Variants in GLB1L2 observed in about 807,000 individuals in gnomAD.
The protein encoded by GLB1L2 is beta-galactosidase-1-like protein 2.
In GLB1L2, 68 loss-of-function variants were observed where a neutral mutation model predicts 84.1. That is an observed-to-expected ratio of 0.81 (90% CI 0.67 to 0.99). GLB1L2 has a LOEUF of 0.99. GLB1L2 is among the 50% of genes least tolerant of loss of function. GLB1L2 has a pLI of 0.00. For missense variants in GLB1L2, 762 were observed against 805.6 expected, an observed-to-expected ratio of 0.95 and a Z score of 0.66; for synonymous variants, 290 against 318.0, an observed-to-expected ratio of 0.91 and a Z score of 0.94.
chr11:134,375,301 G>C lies in GLB1L2; in HGVS notation c.*243G>C, dbSNP rs1944011240. 2 of 478,354 alleles carry C rather than the reference G, an allele frequency of 4.2e-6. No individual in the cohort carries two copies. Among genetic ancestry groups the C allele is most frequent in the Non-Finnish European group, 7.4e-6 (2 of 270,228 alleles). 29.6% of individuals were successfully genotyped at this position (478,354 alleles called of 1,614,324 possible). ...TCCTACAGCCCTGCTCTTGTGCCGAGGCTGTCGGGCTGTCTCTAGGGTGGG... is the reference window on the plus strand; with the variant it reads ...TCCTACAGCCCTGCTCTTGTGCCGACGCTGTCGGGCTGTCTCTAGGGTGGG... On this transcript the variant is annotated 3_prime_UTR_variant, in exon 19 of 19. Coordinates refer to ENST00000535456, the MANE Select transcript of GLB1L2 (RefSeq NM_001370461.1).
chr11:134,374,257 G>A lies in GLB1L2; in HGVS notation c.1707+1G>A. On this transcript the variant is annotated splice_donor_variant, in intron 17 of 18. Coordinates refer to ENST00000535456, the MANE Select transcript of GLB1L2 (RefSeq NM_001370461.1). LOFTEE classifies it high-confidence loss of function. Reference sequence around the variant, plus strand: ...TTGTGACACCTTTCTGAAGCTGGAGGTTGGTAACGCCCTTTTCCCTGCCAG... The same window carrying A: ...TTGTGACACCTTTCTGAAGCTGGAGATTGGTAACGCCCTTTTCCCTGCCAG... 1 of 1,599,350 alleles carries A rather than the reference G, an allele frequency of 6.3e-7. No individual in the cohort carries two copies. The highest frequency in any genetic ancestry group is 8.6e-7 in the Non-Finnish European group (1 of 1,166,564).
At chr11:134,343,089 C>A in intron 2 of GLB1L2, 138 bp downstream of exon 2, 1 of 819,170 alleles carries the variant, frequency 1.2e-6, no homozygotes, top group Non-Finnish European at 1.9e-6. Flanking sequence ...CTCCTCCCCA[C>A]CACAGAGCTC....
Position 134,338,571 on chromosome 11 carries a change from G to A in GLB1L2, c.87-4183G>A, listed in dbSNP as rs536813813. Among the ~76,000 whole-genome samples the A allele has an allele frequency of 1.7e-3, 257 of 152,168 alleles. 1 individual carries two copies. Among genetic ancestry groups the A allele is most frequent in the Non-Finnish European group, 1.9e-3 (127 of 68,006 alleles). Reference sequence around the variant, plus strand: ...GCCTGCCCTGTACCCTTCATCCTCAGGACCCACCTCACCAGTCAAGGAAAA... The same window carrying A: ...GCCTGCCCTGTACCCTTCATCCTCAAGACCCACCTCACCAGTCAAGGAAAA... On this transcript the variant is annotated intron_variant, in intron 1 of 18. Coordinates refer to ENST00000535456, the MANE Select transcript of GLB1L2 (RefSeq NM_001370461.1). The surrounding 1 kb of genome is among the most constrained non-coding windows in gnomAD (Gnocchi z 6.2).
chr11:134,337,811 T>TG (rs959320357), intron 1 of GLB1L2, among the ~76,000 whole-genome samples: 4 of 152,184 alleles, frequency 2.6e-5, no homozygotes, highest in African/African-American at 7.2e-5. Flanking sequence ...AGTGTTTTCT[T>TG]GGTCAGGATC....
In GLB1L2 at chr11:134,342,767, ACCCTGGTCCCTCTGCGGCT is replaced by A. The variant is rs763049660; in HGVS notation, c.103_121del (p.Leu35AlafsTer43). 6.2e-7 allele frequency: 1 copy of A among 1,613,662 alleles called. No homozygotes were observed. The highest frequency in any genetic ancestry group is 8.5e-7 in the Non-Finnish European group (1 of 1,179,960). ...TTGTCTTTCCAGGCTGGACTGGAGC[ACCCTGGTCCCTCTGCGGCT>A]CCGCCATCGACAGCTGGGGCTGCAG... On this transcript the variant is annotated frameshift_variant, in exon 2 of 19. Coordinates refer to ENST00000535456, the MANE Select transcript of GLB1L2 (RefSeq NM_001370461.1). LOFTEE classifies it high-confidence loss of function.
chr11:134,374,559 G>A (rs200036348), intron 17 of GLB1L2, 43 bp from the exon 18 acceptor site: 12 of 1,473,004 alleles, frequency 8.1e-6, no homozygotes, highest in Non-Finnish European at 1.1e-5. Context: ...CACTTTTGCT[G>A]TGGCTCTCGT....
chr11:134,371,033 A>T lies in GLB1L2; in HGVS notation c.1241A>T (p.Asn414Ile). 1 of 1,614,192 alleles carries T rather than the reference A, an allele frequency of 6.2e-7. No homozygotes were observed. Among genetic ancestry groups the T allele is most frequent in the Non-Finnish European group, 8.5e-7 (1 of 1,180,038 alleles). The part of the protein sequence containing the change: ...GEPIKSEKPI[N>I]MENLPVNGGN... ...CCAATCAAGTCTGAAAAGCCCATCA[A>T]CATGGAGAACCTGCCAGTCAATGGG... Residue 414 changes from asparagine (N) to isoleucine (I), a missense_variant, in exon 13 of 19, where the codon AAC becomes ATC. Transcript: ENST00000535456.
rs1943999564 is a variant in GLB1L2 at position 134,374,515 on chromosome 11, G to C, written c.1708-87G>C. On this transcript the variant is annotated intron_variant, in intron 17 of 18. Coordinates refer to ENST00000535456, the MANE Select transcript of GLB1L2 (RefSeq NM_001370461.1). ...CAGACACAGCTCGCTTTGGTCTCCT[G>C]GACCTGAGAGAAGCACGCATGCATG... The C allele has an allele frequency of 3.7e-6, 4 of 1,077,616 alleles. No individual in the cohort carries two copies. The East Asian group carries it at 9.5e-5, about 26-fold the overall frequency. The allele number at this position is 1,077,616 out of a possible 1,614,324, so 66.8% of individuals were successfully genotyped here.
At chr11:134,350,210 G>A (rs1017375507) in intron 5 of GLB1L2, among the ~76,000 whole-genome samples, 8 of 152,168 alleles carry the variant, frequency 5.3e-5, no homozygotes, top group African/African-American at 1.9e-4. Flanking sequence ...TGCGGTCTTT[G>A]TGTCCTAGAC....
intron 13 of GLB1L2, 30 bp downstream of exon 13, chr11:134,371,178 C>A (rs750024074): frequency 1.9e-6 from 3 of 1,613,072 alleles, no homozygotes; most frequent in Non-Finnish European, 2.5e-6. Context: ...ATTCCTGTGA[C>A]CTTCTGGTGA....
chr11:134,370,463 T>A lies in GLB1L2; in HGVS notation c.1215+64T>A. 1 of 1,326,090 alleles carries A rather than the reference T, an allele frequency of 7.5e-7. No individual in the cohort carries two copies. The highest frequency in any genetic ancestry group is 1.1e-6 in the Non-Finnish European group (1 of 929,200). The allele number at this position is 1,326,090 out of a possible 1,614,324, so 82.1% of individuals were successfully genotyped here. A position where few individuals can be genotyped will look rare whatever the true frequency, so the allele number is the denominator to read the frequency against. Reference sequence around the variant, plus strand: ...CCGGGGGCAGTCGTTGGCAGGGAGGTGAGTGCTGGGGGCAGTCGTCGGCGG... The same window carrying A: ...CCGGGGGCAGTCGTTGGCAGGGAGGAGAGTGCTGGGGGCAGTCGTCGGCGG... On this transcript the variant is annotated intron_variant, in intron 12 of 18. Coordinates refer to ENST00000535456, the MANE Select transcript of GLB1L2 (RefSeq NM_001370461.1). The surrounding 1 kb of genome is among the most constrained non-coding windows in gnomAD (Gnocchi z 4.7).
At chr11:134,368,493 T>G in intron 9 of GLB1L2, 151 bp from the exon 10 acceptor site, 11 of 731,572 alleles carry the variant, frequency 1.5e-5, no homozygotes, top group East Asian at 2.5e-5. Flanking sequence ...TCTTCTGTGA[T>G]TGGGGTTTTA....
chr11:134,373,856 G>A (rs1347721959), intron 16 of GLB1L2, 48 bp downstream of exon 16: 6 of 1,324,776 alleles, frequency 4.5e-6, no homozygotes, highest in Admixed American at 1.8e-5. Flanking sequence ...GTATAGTGCT[G>A]TGTGGTGGGG....
intron 7 of GLB1L2, 145 bp downstream of exon 7, chr11:134,359,286 C>T: frequency 1.8e-6 from 1 of 570,418 alleles, no homozygotes; most frequent in Non-Finnish European, 3.1e-6. Context: ...TGCAGACACC[C>T]TTGGGTTCCA....
Position 134,369,852 on chromosome 11 carries a change from A to T in GLB1L2, c.1075A>T (p.Met359Leu), listed in dbSNP as rs764203984. Residue 359 changes from methionine (M) to leucine (L), a missense_variant, in exon 11 of 19, where the codon ATG (methionine) becomes TTG (leucine). By Grantham distance (15) the Met-to-Leu change is conservative (BLOSUM62 2). Coordinates refer to ENST00000535456, the MANE Select transcript of GLB1L2 (RefSeq NM_001370461.1). ...AGCCGGCGATTACACGGCCAAGTAC[A>T]TGAAGCTTCGAGACTTCTTCGGCTC... ...TEAGDYTAKYMKLRDFFGSIS... is the reference protein window; with the variant it reads ...TEAGDYTAKYLKLRDFFGSIS... 11 of 1,613,652 alleles carry T rather than the reference A, an allele frequency of 6.8e-6. No homozygotes were observed. In the Admixed American group the frequency reaches 1.3e-4, roughly 20 times the overall value.
In GLB1L2 at chr11:134,368,787, T is replaced by C. The variant is rs771875565; in HGVS notation, c.1027+6T>C. 1 of 1,613,590 alleles carries C rather than the reference T, an allele frequency of 6.2e-7. No individual in the cohort carries two copies. Among genetic ancestry groups the C allele is most frequent in the Admixed American group, 1.7e-5 (1 of 60,018 alleles). Reference sequence around the variant, plus strand: ...GTCAGATGTCACCAGCTATGGCAAGTATTCATCAGCACTGCTCTCCCTGGT... The same window carrying C: ...GTCAGATGTCACCAGCTATGGCAAGCATTCATCAGCACTGCTCTCCCTGGT... On this transcript the variant is annotated splice_donor_region_variant and intron_variant, in intron 10 of 18. Transcript: ENST00000535456.
Position 134,356,293 on chromosome 11 carries a change from C to A in GLB1L2, c.559-8C>A, listed in dbSNP as rs1453792006. 1 of 1,612,416 alleles carries A rather than the reference C, an allele frequency of 6.2e-7. No homozygotes were observed. ...CTCAGCTCCTGGTTTTCTGTCTTTT[C>A]TCCGCAGTACAAGCGTGGGGGACCT... On this transcript the variant is annotated splice_region_variant and splice_polypyrimidine_tract_variant and intron_variant, in intron 5 of 18. Transcript: ENST00000535456.
rs1591625820 is a variant in GLB1L2, at chr11:134,371,616, G to A, written c.1428+124G>A. On this transcript the variant is annotated intron_variant, in intron 14 of 18. Transcript: ENST00000535456. ...TACCCACAAGCTGTAGGTGGAGAGG[G>A]CGAGTGTGGCTTTCTGCCCAGCTGG... The A allele has an allele frequency of 2.9e-6, 3 of 1,038,188 alleles. No homozygotes were observed. The East Asian group carries it at 7.1e-5, about 25-fold the overall frequency. The allele number at this position is 1,038,188 out of a possible 1,614,324, so 64.3% of individuals were successfully genotyped here.
At chr11:134,362,169 C>T (rs1187643988) in intron 7 of GLB1L2, among the ~76,000 whole-genome samples, 1 of 152,222 alleles carries the variant, frequency 6.6e-6, no homozygotes, top group Non-Finnish European at 1.5e-5. Context: ...ACTTCCTGAG[C>T]TTTTATCTTC....
Sources: gnomAD v4.1 joint callset for allele counts (sites outside exome capture counted in the v4.1 genomes callset) on GRCh38, gnomAD v4.1.1 for gene constraint, Gnocchi (gnomAD v3.1) non-coding constraint, MANE v1.5 for transcripts, NCBI Gene and HGNC (gene_info 2026-07-23, HGNC 2026-07-21) for gene names.